The following BNC2 variants were observed in gnomAD, a reference collection of about 807,000 sequenced individuals.
BNC2 encodes zinc finger protein basonuclin-2.
A neutral mutation model predicts 76.3 loss-of-function variants in BNC2; 20 were observed. The ratio of observed to expected loss-of-function variants is 0.26; its 90% confidence interval spans 0.18 to 0.38. The LOEUF is 0.38. BNC2 is among the 10% of genes least tolerant of loss of function. The pLI, the probability that BNC2 is intolerant of heterozygous loss-of-function variation, is 1.00. For missense variants in BNC2, 1,382 were observed against 1,399.8 expected (o/e 0.99, Z 0.20); for synonymous variants, 582 against 514.8 (o/e 1.13, Z -1.77).
At chr9:16,547,519 T>A (rs1256767139) in intron 5 of BNC2, among the ~76,000 whole-genome samples, 2 of 152,148 alleles carry the variant, frequency 1.3e-5, no homozygotes, top group Non-Finnish European at 2.9e-5. Context: ...GCCAGAAAAA[T>A]AAACATTTTA....
intron 5 of BNC2, among the ~76,000 whole-genome samples, chr9:16,446,138 G>A (rs971820117): frequency 6.6e-6 from 1 of 152,096 alleles, no homozygotes; most frequent in Non-Finnish European, 1.5e-5. Flanking sequence ...ACACACATGT[G>A]CATGTACACA....
At chr9:16,603,699 A>G (rs1234314484) in intron 3 of BNC2, among the ~76,000 whole-genome samples, 1 of 152,210 alleles carries the variant, frequency 6.6e-6, no homozygotes, top group Admixed American at 6.5e-5. Context: ...AATAACTTAA[A>G]ACTTTTAACT....
chr9:16,805,006 G>A (rs1311501354), intron 1 of BNC2, among the ~76,000 whole-genome samples: 6 of 152,210 alleles, frequency 3.9e-5, no homozygotes, highest in Non-Finnish European at 7.4e-5. Flanking sequence ...AGGTTGCAGT[G>A]AGCCGAGACC....
intron 1 of BNC2, among the ~76,000 whole-genome samples, chr9:16,803,551 T>G (rs1462276247): frequency 6.6e-6 from 1 of 152,154 alleles, no homozygotes. Flanking sequence ...GAATTTGCAA[T>G]GAAGGGAAGG....
At chr9:16,782,332 A>AT (rs1826176951) in intron 1 of BNC2, among the ~76,000 whole-genome samples, 1 of 151,918 alleles carries the variant, frequency 6.6e-6, no homozygotes, top group South Asian at 2.1e-4. Context: ...GTATAATTAA[A>AT]TTTTTTTAGA....
intron 3 of BNC2, among the ~76,000 whole-genome samples, chr9:16,696,037 C>T (rs1368584720): frequency 6.6e-6 from 1 of 152,132 alleles, no homozygotes; most frequent in Non-Finnish European, 1.5e-5. Flanking sequence ...GTCCATTCTG[C>T]CCTTTCAATC....
At chr9:16,573,810 T>A (rs142757794) in intron 4 of BNC2, among the ~76,000 whole-genome samples, 1 of 152,352 alleles carries the variant, frequency 6.6e-6, no homozygotes, top group East Asian at 1.9e-4. Flanking sequence ...TTTGGGTATA[T>A]GCGAACTAAT....
chr9:16,845,501 C>A (rs985655262), intron 1 of BNC2, among the ~76,000 whole-genome samples: 2 of 152,088 alleles, frequency 1.3e-5, no homozygotes, highest in Non-Finnish European at 1.5e-5. Context: ...GCGGGCGGAT[C>A]ACAAGGTCAG....
At chr9:16,714,390 T>C (rs1823939985) in intron 3 of BNC2, among the ~76,000 whole-genome samples, 1 of 152,244 alleles carries the variant, frequency 6.6e-6, no homozygotes, top group Non-Finnish European at 1.5e-5. Context: ...CTTTATCTAA[T>C]TCCCAGTTGA....
At chr9:16,559,474 T>C (rs1818944694) in intron 4 of BNC2, among the ~76,000 whole-genome samples, 1 of 152,216 alleles carries the variant, frequency 6.6e-6, no homozygotes, top group Admixed American at 6.5e-5. Flanking sequence ...TCTGAGATTA[T>C]AGGCTCAATC....
intron 3 of BNC2, among the ~76,000 whole-genome samples, chr9:16,703,310 A>T (rs1474765396): frequency 6.6e-6 from 1 of 152,172 alleles, no homozygotes; most frequent in Non-Finnish European, 1.5e-5. Flanking sequence ...TAAATAAAAT[A>T]ATTAACTTTA....
chr9:16,553,080 A>T (rs1818714065), intron 4 of BNC2, among the ~76,000 whole-genome samples: 1 of 152,128 alleles, frequency 6.6e-6, no homozygotes, highest in East Asian at 1.9e-4. Context: ...TGGTGCTAAA[A>T]ACCTCATTGA....
At chr9:16,783,428 G>A (rs1826204849) in intron 1 of BNC2, among the ~76,000 whole-genome samples, 1 of 152,182 alleles carries the variant, frequency 6.6e-6, no homozygotes, top group Non-Finnish European at 1.5e-5. Context: ...TATTTATGCT[G>A]AAGAGATAAA....
intron 1 of BNC2, among the ~76,000 whole-genome samples, chr9:16,802,424 G>A (rs1329981007): frequency 1.3e-5 from 2 of 152,142 alleles, no homozygotes; most frequent in African/African-American, 4.8e-5. Context: ...TCACTCCCGT[G>A]CCCATTCACT....
chr9:16,840,368 CT>C (rs1360367356), intron 1 of BNC2, among the ~76,000 whole-genome samples: 4 of 152,242 alleles, frequency 2.6e-5, no homozygotes, highest in African/African-American at 9.6e-5. Flanking sequence ...AGAGAACTTA[CT>C]GCCATTTCAT....
chr9:16,775,454 T>C (rs1411331334), intron 1 of BNC2: 1 of 151,746 alleles, frequency 6.6e-6, no homozygotes, highest in East Asian at 1.9e-4. Flanking sequence ...GAATTAAAAC[T>C]AAAAATGATT....
chr9:16,625,242 C>T (rs2133643282), intron 3 of BNC2, among the ~76,000 whole-genome samples: 1 of 152,256 alleles, frequency 6.6e-6, no homozygotes, highest in Non-Finnish European at 1.5e-5. Flanking sequence ...GCTTTGCGTC[C>T]TTAAACCAGA....
At chr9:16,573,243 A>G (rs1819380795) in intron 4 of BNC2, among the ~76,000 whole-genome samples, 1 of 151,844 alleles carries the variant, frequency 6.6e-6, no homozygotes, top group Non-Finnish European at 1.5e-5. Flanking sequence ...AAAAACAGAA[A>G]AAGAAAAAGA....
At chr9:16,737,238 C>CTTTTT (rs559930240) in intron 2 of BNC2, among the ~76,000 whole-genome samples, 5 of 91,308 alleles carry the variant, frequency 5.5e-5, no homozygotes, top group Admixed American at 1.7e-4. Flanking sequence ...CACACCTGGC[C>CTTTTT]TTTTTTTTTT....
Sources: gnomAD v4.1 joint callset for allele counts (sites outside exome capture counted in the v4.1 genomes callset) on GRCh38, gnomAD v4.1.1 for gene constraint, MANE v1.5 for transcripts, NCBI Gene and HGNC (gene_info 2026-07-23, HGNC 2026-07-21) for gene names.